WDR70: variants seen among roughly 807,000 people sequenced by gnomAD.
WDR70 encodes the protein WD repeat-containing protein 70.
In WDR70, 53 loss-of-function variants were observed where a neutral mutation model predicts 88.6. That is an observed-to-expected ratio of 0.60 (90% CI 0.48 to 0.75). The LOEUF is 0.75. Among genes scored for constraint, WDR70 ranks in the 30% least tolerant of loss-of-function variants. The probability of loss-of-function intolerance (pLI) is 0.00; values close to 1 mark genes in which losing one functional copy is unlikely to be tolerated. For missense variants in WDR70, 610 were observed against 823.2 expected (o/e 0.74, Z 3.17); for synonymous variants, 280 against 270.0 (o/e 1.04, Z -0.36).
In WDR70 at chr5:37,670,824, C is replaced by T. The variant is rs190744398; in HGVS notation, c.1093-26831C>T. ...TTCCCTCACTGAAATGAAACCTTCA[C>T]GGAATGGGGTCTTTATTTTGTTCAC... On this transcript the variant is annotated intron_variant, in intron 10 of 17. Coordinates refer to ENST00000265107, the MANE Select transcript of WDR70 (RefSeq NM_018034.4). 5.2e-3 allele frequency among the ~76,000 whole-genome samples: 792 copies of T among 152,252 alleles called. 6 individuals carry two copies. Among genetic ancestry groups the T allele is most frequent in the Non-Finnish European group, 6.0e-3 (411 of 68,014 alleles).
At chr5:37,540,880 ATATTT>A (rs1380033675) in intron 9 of WDR70, among the ~76,000 whole-genome samples, 2 of 152,168 alleles carry the variant, frequency 1.3e-5, no homozygotes, top group Middle Eastern at 3.4e-3. Flanking sequence ...GTATGTTTTG[ATATTT>A]TATTTTTTTA....
At chr5:37,712,880 T>G (rs1747552987) in intron 13 of WDR70, among the ~76,000 whole-genome samples, 1 of 152,004 alleles carries the variant, frequency 6.6e-6, no homozygotes. Flanking sequence ...TTTTTTTTTC[T>G]TAGTAGAAAC....
chr5:37,664,675 T>G (rs1745789470), intron 10 of WDR70, among the ~76,000 whole-genome samples: 1 of 152,240 alleles, frequency 6.6e-6, no homozygotes, highest in Non-Finnish European at 1.5e-5. Flanking sequence ...ATATTTGTTT[T>G]GAATGTTTGC....
chr5:37,521,739 CA>C (rs771413400), intron 9 of WDR70, among the ~76,000 whole-genome samples: 5,595 of 148,426 alleles, frequency 0.038, 133 homozygotes, highest in African/African-American at 0.05. Flanking sequence ...CACACACACA[CA>C]CCCACATGTT....
intron 9 of WDR70, among the ~76,000 whole-genome samples, chr5:37,519,932 G>C (rs1214280344): frequency 3.9e-5 from 6 of 152,242 alleles, no homozygotes; most frequent in African/African-American, 1.4e-4. Context: ...ATCCTTGCCA[G>C]TGATTAAATG....
chr5:37,642,477 G>A (rs1358660213), intron 10 of WDR70, among the ~76,000 whole-genome samples: 1 of 152,156 alleles, frequency 6.6e-6, no homozygotes, highest in African/African-American at 2.4e-5. Flanking sequence ...GGCATATAAT[G>A]CGTAATAATC....
At chr5:37,454,593 C>G (rs1260643938) in intron 7 of WDR70, among the ~76,000 whole-genome samples, 1 of 152,152 alleles carries the variant, frequency 6.6e-6, no homozygotes, top group Admixed American at 6.5e-5. Context: ...TACTGGAAAT[C>G]AGAATGGATG....
intron 7 of WDR70, among the ~76,000 whole-genome samples, chr5:37,455,757 T>G (rs1738818289): frequency 6.6e-6 from 1 of 150,986 alleles, no homozygotes; most frequent in African/African-American, 2.4e-5. Context: ...TAATTTACAT[T>G]TAGTAAAATT....
At chr5:37,599,147 ATCT>A (rs1743789342) in intron 9 of WDR70, among the ~76,000 whole-genome samples, 1 of 152,234 alleles carries the variant, frequency 6.6e-6, no homozygotes, top group African/African-American at 2.4e-5. Context: ...GGCAGAATGA[ATCT>A]AACAAGGAAG....
chr5:37,751,926 A>T (rs1362373257), intron 17 of WDR70, among the ~76,000 whole-genome samples: 1 of 152,224 alleles, frequency 6.6e-6, no homozygotes, highest in East Asian at 1.9e-4. Flanking sequence ...ATTTCCATGC[A>T]TTGGGCTGAG....
At chr5:37,481,739 C>T (rs1739676840) in intron 8 of WDR70, among the ~76,000 whole-genome samples, 1 of 152,238 alleles carries the variant, frequency 6.6e-6, no homozygotes, top group Non-Finnish European at 1.5e-5. Flanking sequence ...CAAATTTCTA[C>T]AACCCAGTTT....
At chr5:37,597,366 CT>C (rs774187919) in intron 9 of WDR70, among the ~76,000 whole-genome samples, 5 of 150,778 alleles carry the variant, frequency 3.3e-5, no homozygotes, top group East Asian at 1.9e-4. Context: ...GTATCGTTAG[CT>C]TTTTTTTTAA....
rs867865471 is a variant in WDR70, at chr5:37,608,191, G to A, written c.1092+2953G>A. ...AGAGTAGCTGGGACTACAGGCATGC[G>A]CTACCACACCTGGCTAATTTTTGTA... On this transcript the variant is annotated intron_variant, in intron 10 of 17. Transcript: ENST00000265107. 4.6e-5 allele frequency among the ~76,000 whole-genome samples: 7 copies of A among 152,062 alleles called. No homozygotes were observed. In the South Asian group the frequency reaches 1.0e-3, roughly 23 times the overall value.
At chr5:37,733,122 A>G (rs1249431984) in intron 17 of WDR70, among the ~76,000 whole-genome samples, 1 of 152,128 alleles carries the variant, frequency 6.6e-6, no homozygotes, top group Non-Finnish European at 1.5e-5. Flanking sequence ...TGTACTTTCT[A>G]CAGAGACTCC....
chr5:37,411,653 G>A (rs1749529499), intron 5 of WDR70, among the ~76,000 whole-genome samples: 1 of 152,154 alleles, frequency 6.6e-6, no homozygotes, highest in East Asian at 1.9e-4. Flanking sequence ...TTGAACCTGG[G>A]AGGTGGAGGT....
chr5:37,473,840 T>G (rs1226540241), intron 7 of WDR70, among the ~76,000 whole-genome samples: 1 of 152,236 alleles, frequency 6.6e-6, no homozygotes, highest in African/African-American at 2.4e-5. Context: ...TGCTATATTT[T>G]GTTTGGAACA....
In WDR70 at chr5:37,381,613, C is replaced by T. The variant is rs1748426472; in HGVS notation, c.103C>T (p.Arg35Cys). 12 of 1,610,594 alleles carry T rather than the reference C, an allele frequency of 7.5e-6. No individual in the cohort carries two copies. Among genetic ancestry groups the T allele is most frequent in the Admixed American group, 3.3e-5 (2 of 59,874 alleles). ...MGFTGFGKKA[R>C]TFDLEAMFEQ... ...TGTTCATGTTTTAGGTAAAAAAGCT[C>T]GCACATTTGACTTGGAAGCAATGTT... Residue 35 changes from arginine (R) to cysteine (C), a missense_variant, in exon 3 of 18, where the codon CGC (arginine) becomes TGC (cysteine). By Grantham distance (180) the Arg-to-Cys change is radical. Around this residue, in one of 4 missense-constraint regions of WDR70, gnomAD observed 203 missense variants for 228.1 expected, o/e 0.89. Coordinates refer to ENST00000265107, the MANE Select transcript of WDR70 (RefSeq NM_018034.4).
In WDR70 at chr5:37,574,743, A is replaced by G. The variant is rs1375724086; in HGVS notation, c.918-30321A>G. ...TCTTCTCCAAACCGGTAGCTCTCCTATTTTTCCTTATTTCTATAAACAACA... is the reference window on the plus strand; with the variant it reads ...TCTTCTCCAAACCGGTAGCTCTCCTGTTTTTCCTTATTTCTATAAACAACA... On this transcript the variant is annotated intron_variant, in intron 9 of 17. Coordinates refer to ENST00000265107, the MANE Select transcript of WDR70 (RefSeq NM_018034.4). 2.0e-5 allele frequency among the ~76,000 whole-genome samples: 3 copies of G among 152,198 alleles called. No homozygotes were observed. The South Asian group carries it at 6.2e-4, about 32-fold the overall frequency.
chr5:37,617,059 A>ACACTTACTTTGTTCC (rs1176567104), intron 10 of WDR70, among the ~76,000 whole-genome samples: 7 of 152,182 alleles, frequency 4.6e-5, no homozygotes, highest in African/African-American at 1.7e-4. Flanking sequence ...TATTTAATGA[A>ACACTTACTTTGTTCC]CACTTACTTT....
Sources: allele counts gnomAD v4.1 joint callset (sites outside exome capture counted in the v4.1 genomes callset), GRCh38; gene constraint gnomAD v4.1.1; regional missense constraint gnomAD v4.1.1; transcripts MANE v1.5; gene names NCBI Gene and HGNC (gene_info 2026-07-23, HGNC 2026-07-21).